Variants in HTR4 observed in about 807,000 individuals in gnomAD.
HTR4 encodes the protein 5-hydroxytryptamine (serotonin) receptor 4, G protein-coupled.
In HTR4, 16 loss-of-function variants were observed where a neutral mutation model predicts 36.8. The observed-to-expected ratio is 0.43, with a 90% CI of 0.29 to 0.66. The LOEUF (loss-of-function observed/expected upper bound fraction) is 0.66, where lower values mean the gene tolerates loss of function less well. HTR4 is among the 30% of genes least tolerant of loss of function. The pLI, the probability that HTR4 is intolerant of heterozygous loss-of-function variation, is 0.13. For missense variants in HTR4, 438 were observed against 490.9 expected (o/e 0.89, Z 1.02); for synonymous variants, 189 against 185.1 (o/e 1.02, Z -0.17).
Position 148,510,941 on chromosome 5 carries a change from T to C in HTR4, c.508-917A>G, listed in dbSNP as rs186786141. Among the ~76,000 whole-genome samples, 42 of 152,244 alleles carry C rather than the reference T, an allele frequency of 2.8e-4. No homozygotes were observed. In the East Asian group the frequency reaches 7.5e-3, roughly 27 times the overall value. On this transcript the variant is annotated intron_variant, in intron 5 of 6. Transcript: ENST00000377888. ...AATATAAAGATTGGGTAGGGCAAGG[T>C]CATGAGGGACTTTGGAACCCAACCA...
chr5:148,540,562 G>C (rs1188999501), intron 4 of HTR4, among the ~76,000 whole-genome samples: 1 of 151,006 alleles, frequency 6.6e-6, no homozygotes, highest in Non-Finnish European at 1.5e-5. Context: ...ACTTCAAAAA[G>C]TTGTGTTTCG....
At chr5:148,515,487 T>G (rs13179862) in intron 5 of HTR4, among the ~76,000 whole-genome samples, 37,262 of 152,150 alleles carry the variant, frequency 0.24, 5,592 homozygotes, top group Non-Finnish European at 0.34. Context: ...GACTGAAAAA[T>G]TCCCATAAAA....
intron 4 of HTR4, among the ~76,000 whole-genome samples, chr5:148,529,454 T>A (rs553555138): frequency 2.0e-4 from 31 of 152,266 alleles, no homozygotes; most frequent in Admixed American, 3.3e-4. Flanking sequence ...AAAGGGGAAT[T>A]TCCCTGCACA....
At chr5:148,622,369 TA>T (rs1381220172) in intron 2 of HTR4, among the ~76,000 whole-genome samples, 1 of 152,212 alleles carries the variant, frequency 6.6e-6, no homozygotes, top group Non-Finnish European at 1.5e-5. Context: ...TCCTGATGGG[TA>T]ACTTTGTCTT....
At chr5:148,561,947 A>G (rs187558732) in intron 2 of HTR4, among the ~76,000 whole-genome samples, 6 of 152,284 alleles carry the variant, frequency 3.9e-5, no homozygotes, top group African/African-American at 1.4e-4. Flanking sequence ...ACAGCTCTCC[A>G]TATTTTGCCA....
At position 148,608,674 on chromosome 5, in the gene HTR4, A is replaced by G. The variant is rs550100590; in HGVS notation, c.26+28315T>C. Among the ~76,000 whole-genome samples, 6 of 152,348 alleles carry G rather than the reference A, an allele frequency of 3.9e-5. No homozygotes were observed. In the East Asian group the frequency reaches 1.2e-3, roughly 29 times the overall value. ...AGAAAAGCAGCATAACAAGATTGAC[A>G]TTTTAGAAGCATCACTCCAAATGCA... On this transcript the variant is annotated intron_variant, in intron 2 of 6. Coordinates refer to ENST00000377888, the MANE Select transcript of HTR4 (RefSeq NM_000870.7).
At chr5:148,565,726 CA>C (rs1474967489) in intron 2 of HTR4, among the ~76,000 whole-genome samples, 1 of 152,114 alleles carries the variant, frequency 6.6e-6, no homozygotes, top group African/African-American at 2.4e-5. Context: ...ATGGGAGAGG[CA>C]GGTGGAGAAT....
intron 4 of HTR4, among the ~76,000 whole-genome samples, chr5:148,546,503 G>C (rs1260106818): frequency 6.6e-6 from 1 of 152,124 alleles, no homozygotes; most frequent in Admixed American, 6.5e-5. Context: ...ACCTACTCAG[G>C]AAAAGTTTCC....
At chr5:148,533,364 A>T (rs1758665500) in intron 4 of HTR4, among the ~76,000 whole-genome samples, 1 of 152,236 alleles carries the variant, frequency 6.6e-6, no homozygotes, top group African/African-American at 2.4e-5. Context: ...AAACTCCATT[A>T]AAATCTGCTT....
At chr5:148,606,363 G>A (rs1285568328) in intron 2 of HTR4, among the ~76,000 whole-genome samples, 1 of 152,102 alleles carries the variant, frequency 6.6e-6, no homozygotes, top group Non-Finnish European at 1.5e-5. Context: ...CTGCAGATAG[G>A]CTGACACACT....
At chr5:148,630,004 G>A (rs1270443186) in intron 2 of HTR4, 1 of 152,148 alleles carries the variant, frequency 6.6e-6, no homozygotes, top group Non-Finnish European at 1.5e-5. Context: ...ATTTGGAGGT[G>A]CTTTAAGCAG....
chr5:148,467,235 ATAT>A (rs1755452134), intron 5 of HTR4, among the ~76,000 whole-genome samples: 1 of 152,180 alleles, frequency 6.6e-6, no homozygotes, highest in Non-Finnish European at 1.5e-5. Context: ...ACATGAGATA[ATAT>A]TATAAAATTA....
intron 5 of HTR4, among the ~76,000 whole-genome samples, chr5:148,512,287 T>C (rs1757531201): frequency 1.3e-5 from 2 of 152,324 alleles, no homozygotes; most frequent in Admixed American, 1.3e-4. Flanking sequence ...TTGAATCAAA[T>C]CTAAGTTTAT....
At chr5:148,572,038 G>C (rs189689377) in intron 2 of HTR4, among the ~76,000 whole-genome samples, 252 of 152,174 alleles carry the variant, frequency 1.7e-3, no homozygotes, top group African/African-American at 5.9e-3. Context: ...TGCTAGAAAT[G>C]CTGAGATAAA....
At chr5:148,637,091 A>G in intron 1 of HTR4, 30 bp from the exon 2 acceptor site, 8 of 1,431,412 alleles carry the variant, frequency 5.6e-6, no homozygotes, top group Non-Finnish European at 7.9e-6. Context: ...AAGATGTTAT[A>G]AAAGAAAGCA....
At chr5:148,625,202 G>A (rs1753056640) in intron 2 of HTR4, among the ~76,000 whole-genome samples, 1 of 152,180 alleles carries the variant, frequency 6.6e-6, no homozygotes, top group Non-Finnish European at 1.5e-5. Context: ...AAGGTGTTTG[G>A]AGATGATGCC....
chr5:148,590,642 T>C (rs1321987761), intron 2 of HTR4, among the ~76,000 whole-genome samples: 1 of 152,178 alleles, frequency 6.6e-6, no homozygotes, highest in Non-Finnish European at 1.5e-5. Context: ...CCATCCTTCA[T>C]ACTTAAGTGA....
At chr5:148,477,810 C>G (rs564884583), downstream of HTR4, among the ~76,000 whole-genome samples, 1 of 152,250 alleles carries the variant, frequency 6.6e-6, no homozygotes, top group African/African-American at 2.4e-5. Flanking sequence ...CAAGCACATT[C>G]CTGCCCTAGT....
chr5:148,475,055 A>C (rs1431491731), downstream of HTR4, among the ~76,000 whole-genome samples: 3 of 151,772 alleles, frequency 2.0e-5, no homozygotes, highest in Admixed American at 1.3e-4. Context: ...CAAAAAAAAA[A>C]GTAGTCTCCT....
Sources: allele counts gnomAD v4.1 joint callset (sites outside exome capture counted in the v4.1 genomes callset), GRCh38; gene constraint gnomAD v4.1.1; transcripts MANE v1.5; gene names NCBI Gene and HGNC (gene_info 2026-07-23, HGNC 2026-07-21).